ABCA13: variants seen among roughly 807,000 people sequenced by gnomAD.
ABCA13 encodes ATP binding cassette subfamily A member 13.
ABCA13 carries 476 observed loss-of-function variants against 478.7 expected under a neutral mutation model. The ratio of observed to expected loss-of-function variants is 0.99; its 90% CI spans 0.92 to 1.07. The LOEUF is 1.07. Ranked by LOEUF, ABCA13 falls within the 50% of genes least tolerant of loss-of-function variation. The pLI is 0.00. For missense variants in ABCA13, 6,060 were observed against 5,910.6 expected, an observed-to-expected ratio of 1.03 and a Z score of -0.83; for synonymous variants, 2,252 against 2,158.9, an observed-to-expected ratio of 1.04 and a Z score of -1.20.
chr7:48,390,326 G>A (rs1183446340), intron 37 of ABCA13, among the ~76,000 whole-genome samples: 2 of 152,204 alleles, frequency 1.3e-5, no homozygotes, highest in Non-Finnish European at 2.9e-5. Flanking sequence ...GCAATTCTTA[G>A]ATGAAAGGCT....
At chr7:48,538,146 C>T (rs562451540) in intron 55 of ABCA13, among the ~76,000 whole-genome samples, 6 of 141,122 alleles carry the variant, frequency 4.3e-5, no homozygotes, top group Non-Finnish European at 7.5e-5. Context: ...TAGCACCCAG[C>T]CTGGAGTGCA....
intron 37 of ABCA13, among the ~76,000 whole-genome samples, chr7:48,390,778 G>C (rs926401165): frequency 1.3e-5 from 2 of 152,290 alleles, no homozygotes; most frequent in East Asian, 3.9e-4. Context: ...CCTGCTCCTT[G>C]GGACAGCTGA....
intron 20 of ABCA13, among the ~76,000 whole-genome samples, chr7:48,293,997 A>G (rs372429876): frequency 2.0e-5 from 3 of 152,290 alleles, no homozygotes; most frequent in East Asian, 1.9e-4. Context: ...TCCACCTCAC[A>G]TAGGAATAGC....
At chr7:48,208,648 G>T in intron 3 of ABCA13, among the ~76,000 whole-genome samples, 1 of 151,546 alleles carries the variant, frequency 6.6e-6, no homozygotes, top group Non-Finnish European at 1.5e-5. Flanking sequence ...ATTTTTCTTT[G>T]TTAATTTTGT....
At chr7:48,482,603 A>G (rs991865276) in intron 46 of ABCA13, among the ~76,000 whole-genome samples, 1 of 151,968 alleles carries the variant, frequency 6.6e-6, no homozygotes, top group Admixed American at 6.5e-5. Flanking sequence ...CATGTTGGCC[A>G]GGCTGGTCTC....
chr7:48,360,771 A>G (rs2129003435), intron 31 of ABCA13, among the ~76,000 whole-genome samples: 1 of 152,056 alleles, frequency 6.6e-6, no homozygotes, highest in African/African-American at 2.4e-5. Context: ...TTTGGGAACT[A>G]TTTACGCAGT....
At chr7:48,354,024 A>G (rs1283130503) in intron 31 of ABCA13, among the ~76,000 whole-genome samples, 3 of 152,042 alleles carry the variant, frequency 2.0e-5, no homozygotes, top group Non-Finnish European at 4.4e-5. Flanking sequence ...CAGGAGCAGA[A>G]CCGAAGAAAA....
At chr7:48,351,587 T>G (rs1809002845) in intron 30 of ABCA13, among the ~76,000 whole-genome samples, 1 of 152,172 alleles carries the variant, frequency 6.6e-6, no homozygotes, top group Non-Finnish European at 1.5e-5. Flanking sequence ...TTCCCTCTTT[T>G]TATAAAGACA....
intron 41 of ABCA13, among the ~76,000 whole-genome samples, chr7:48,415,850 A>G (rs1819905003): frequency 6.6e-6 from 1 of 152,240 alleles, no homozygotes; most frequent in African/African-American, 2.4e-5. Flanking sequence ...CAGGTAAAAC[A>G]TACATTTAGG....
At chr7:48,310,188 T>TA in intron 24 of ABCA13, 47 bp downstream of exon 24, 3 of 1,555,766 alleles carry the variant, frequency 1.9e-6, no homozygotes, top group Non-Finnish European at 2.6e-6. Context: ...AGGACTCTGC[T>TA]GTGGTGGCTG....
intron 48 of ABCA13, among the ~76,000 whole-genome samples, chr7:48,497,577 C>T (rs1409755921): frequency 2.6e-5 from 4 of 152,160 alleles, no homozygotes; most frequent in African/African-American, 9.7e-5. Flanking sequence ...ATGAGAGCCA[C>T]CTAGATGTAT....
chr7:48,414,273 C>T (rs903434619), intron 41 of ABCA13, among the ~76,000 whole-genome samples: 9 of 152,128 alleles, frequency 5.9e-5, no homozygotes, highest in African/African-American at 1.7e-4. Context: ...TCTCCCCACC[C>T]GCCCTCACTG....
chr7:48,522,761 A>G (rs893001333), intron 53 of ABCA13, among the ~76,000 whole-genome samples: 12 of 152,114 alleles, frequency 7.9e-5, no homozygotes, highest in Admixed American at 7.9e-4. Flanking sequence ...CCTCCCTAGA[A>G]CTCTGCAATG....
At chr7:48,623,362 A>AT (rs1476781826) in intron 59 of ABCA13, among the ~76,000 whole-genome samples, 6 of 152,154 alleles carry the variant, frequency 3.9e-5, no homozygotes, top group Admixed American at 3.3e-4. Context: ...TGAGAAAGAA[A>AT]TCTGCTTAAT....
At chr7:48,207,564 G>A (rs1785088875) in intron 3 of ABCA13, among the ~76,000 whole-genome samples, 1 of 152,024 alleles carries the variant, frequency 6.6e-6, no homozygotes, top group Non-Finnish European at 1.5e-5. Flanking sequence ...TGTTAAGCAA[G>A]TGTTCATGTC....
At chr7:48,524,154 T>A (rs1023618922) in intron 53 of ABCA13, 94 bp from the exon 54 acceptor site, 1 of 1,227,326 alleles carries the variant, frequency 8.1e-7, no homozygotes, top group Non-Finnish European at 1.1e-6. Context: ...GGTGATATCT[T>A]CAATTTTTTA....
At chr7:48,368,948 T>A (rs902083794) in intron 32 of ABCA13, among the ~76,000 whole-genome samples, 5 of 152,016 alleles carry the variant, frequency 3.3e-5, no homozygotes, top group Admixed American at 6.6e-5. Flanking sequence ...AAATGGTAGA[T>A]CTACTTTTAG....
intron 39 of ABCA13, among the ~76,000 whole-genome samples, chr7:48,409,129 C>T (rs1039404673): frequency 1.3e-5 from 2 of 152,142 alleles, no homozygotes; most frequent in Non-Finnish European, 2.9e-5. Flanking sequence ...CATGTTTAGC[C>T]TTCTCTCTTT....
At position 48,240,883 on chromosome 7, in the gene ABCA13, A is replaced by T; in HGVS notation, c.1079A>T (p.Gln360Leu). The T allele has an allele frequency of 6.4e-7, 1 of 1,552,858 alleles. No homozygotes were observed. Among genetic ancestry groups the T allele is most frequent in the Non-Finnish European group, 8.7e-7 (1 of 1,147,706 alleles). Reference protein sequence around the residue: ...RVYQQVFVQWQQGSLLQKTLT... With the variant: ...RVYQQVFVQWLQGSLLQKTLT... The stretch of plus-strand genomic sequence containing the variant: ...AATTTGTAGGTGTTTGTTCAGTGGC[A>T]ACAGGGTAGCCTGCTTCAGAAGACA... Residue 360 changes from glutamine to leucine, a missense_variant, in exon 10 of 62, where the codon CAA (glutamine) becomes CTA (leucine). Coordinates refer to ENST00000435803, the MANE Select transcript of ABCA13 (RefSeq NM_152701.5).
Sources: gnomAD v4.1 joint callset for allele counts (sites outside exome capture counted in the v4.1 genomes callset) on GRCh38, gnomAD v4.1.1 for gene constraint, MANE v1.5 for transcripts, NCBI Gene and HGNC (gene_info 2026-07-23, HGNC 2026-07-21) for gene names.